The following SDK1 variants were observed in gnomAD, a reference collection of about 807,000 sequenced individuals.
SDK1 encodes protein sidekick-1.
SDK1 carries 157 observed loss-of-function variants against 245.5 expected under a neutral mutation model. The ratio of observed to expected loss-of-function variants is 0.64; its 90% CI spans 0.56 to 0.73. The LOEUF is 0.73. SDK1 is among the 30% of genes least tolerant of loss of function. SDK1 has a pLI of 0.00. For missense variants in SDK1, 3,583 were observed against 3,002.3 expected, an observed-to-expected ratio of 1.19 and a Z score of -4.52; for synonymous variants, 1,647 against 1,278.5, an observed-to-expected ratio of 1.29 and a Z score of -6.15.
intron 23 of SDK1, among the ~76,000 whole-genome samples, chr7:4,111,995 G>A (rs1391590005): frequency 6.6e-6 from 1 of 152,216 alleles, no homozygotes; most frequent in Non-Finnish European, 1.5e-5. Flanking sequence ...ATCACAGAGT[G>A]TGGTGTGAGC....
intron 1 of SDK1, among the ~76,000 whole-genome samples, chr7:3,342,537 G>A (rs1042947069): frequency 2.0e-5 from 3 of 152,040 alleles, no homozygotes; most frequent in African/African-American, 4.8e-5. Context: ...GCGGTGAGCC[G>A]AGATCGCATC....
chr7:4,146,546 G>A (rs1779997911), intron 29 of SDK1, among the ~76,000 whole-genome samples: 1 of 152,256 alleles, frequency 6.6e-6, no homozygotes, highest in Admixed American at 6.5e-5. Context: ...ATGTGAGACG[G>A]TCTCAGGTTT....
chr7:3,886,409 G>A lies in SDK1; in HGVS notation c.848-64514G>A, dbSNP rs149606994. On this transcript the variant is annotated intron_variant, in intron 5 of 44. Coordinates refer to ENST00000404826, the MANE Select transcript of SDK1 (RefSeq NM_152744.4). The stretch of plus-strand genomic sequence containing the variant: ...AGCAGCACGGCTGCACCAGACCATC[G>A]GGGTATTTTTACTTTACAGATAATG... Among the ~76,000 whole-genome samples the A allele has an allele frequency of 1.2e-3, 180 of 151,776 alleles. 1 individual carries two copies. Among genetic ancestry groups the A allele is most frequent in the African/African-American group, 4.2e-3 (172 of 41,094 alleles).
At chr7:4,036,685 G>C (rs1305016724) in intron 17 of SDK1, among the ~76,000 whole-genome samples, 1 of 152,096 alleles carries the variant, frequency 6.6e-6, no homozygotes. Context: ...GATTGTGAGG[G>C]CTGGTTGGGA....
At chr7:4,081,266 CAG>C (rs1781040224) in intron 22 of SDK1, among the ~76,000 whole-genome samples, 1 of 152,136 alleles carries the variant, frequency 6.6e-6, no homozygotes, top group African/African-American at 2.4e-5. Context: ...TTCCGTTGCC[CAG>C]AACTTGGGCA....
intron 1 of SDK1, among the ~76,000 whole-genome samples, chr7:3,595,952 ATTTTT>A (rs199756528): frequency 6.0e-5 from 6 of 100,412 alleles, no homozygotes; most frequent in Non-Finnish European, 8.9e-5. Flanking sequence ...TCTAATGGGT[ATTTTT>A]TTTTTTTTTT....
chr7:3,548,597 G>A (rs1779304658), intron 1 of SDK1, among the ~76,000 whole-genome samples: 3 of 152,132 alleles, frequency 2.0e-5, no homozygotes, highest in Non-Finnish European at 2.9e-5. Flanking sequence ...CACATTCCTG[G>A]AAATGAAATA....
chr7:3,983,610 A>G (rs185891548), intron 13 of SDK1, among the ~76,000 whole-genome samples: 261 of 152,328 alleles, frequency 1.7e-3, no homozygotes, highest in Non-Finnish European at 2.9e-3. Context: ...GTGACTTGCA[A>G]ATTGCAATAT....
chr7:3,659,224 C>A (rs190996570), intron 4 of SDK1, among the ~76,000 whole-genome samples: 19 of 152,168 alleles, frequency 1.2e-4, no homozygotes, highest in Non-Finnish European at 1.8e-4. Flanking sequence ...AAGGGACATT[C>A]CTTCTTTCCT....
chr7:4,229,904 G>A (rs958326224), intron 40 of SDK1, among the ~76,000 whole-genome samples: 1 of 151,950 alleles, frequency 6.6e-6, no homozygotes, highest in Non-Finnish European at 1.5e-5. Context: ...TTGAAAGCCT[G>A]CTGTACTAGG....
chr7:4,076,656 C>T (rs1286985316), intron 20 of SDK1, among the ~76,000 whole-genome samples: 2 of 152,206 alleles, frequency 1.3e-5, no homozygotes, highest in African/African-American at 4.8e-5. Flanking sequence ...TTGAGCACAG[C>T]AGGCTGGCAG....
At chr7:3,512,013 T>C (rs1169090681) in intron 1 of SDK1, among the ~76,000 whole-genome samples, 2 of 151,732 alleles carry the variant, frequency 1.3e-5, no homozygotes, top group Non-Finnish European at 2.9e-5. Flanking sequence ...ACTCTTGATA[T>C]TGTACATTCT....
chr7:3,380,289 C>A (rs1431258878), intron 1 of SDK1, among the ~76,000 whole-genome samples: 14 of 152,190 alleles, frequency 9.2e-5, no homozygotes, highest in Non-Finnish European at 2.9e-5. Context: ...AGCTGACTTA[C>A]ACAAAGGAGA....
At chr7:4,143,475 C>A (rs532035055) in intron 28 of SDK1, among the ~76,000 whole-genome samples, 3 of 152,222 alleles carry the variant, frequency 2.0e-5, no homozygotes, top group Non-Finnish European at 4.4e-5. Context: ...CGTGAGGTGT[C>A]CTGCCATATC....
intron 1 of SDK1, among the ~76,000 whole-genome samples, chr7:3,322,159 A>G (rs1583681489): frequency 6.6e-6 from 1 of 151,972 alleles, no homozygotes. Flanking sequence ...GAAGTCCCAT[A>G]CGTATTAAGC....
chr7:3,466,349 T>G (rs1781001410), intron 1 of SDK1, among the ~76,000 whole-genome samples: 1 of 151,012 alleles, frequency 6.6e-6, no homozygotes, highest in African/African-American at 2.4e-5. Context: ...CTCAAAACAT[T>G]AATAGGAAGC....
chr7:3,445,661 A>T (rs1007373406), intron 1 of SDK1, among the ~76,000 whole-genome samples: 1 of 152,138 alleles, frequency 6.6e-6, no homozygotes, highest in African/African-American at 2.4e-5. Flanking sequence ...GTGTGGTTCT[A>T]TGTCATTTTA....
intron 25 of SDK1, among the ~76,000 whole-genome samples, 193 bp downstream of exon 25, chr7:4,114,467 A>C (rs1783567300): frequency 6.6e-6 from 1 of 152,178 alleles, no homozygotes; most frequent in Non-Finnish European, 1.5e-5. Context: ...GCCCCAAGCC[A>C]TTCATTGGAA....
intron 5 of SDK1, among the ~76,000 whole-genome samples, chr7:3,912,622 G>C (rs189796451): frequency 4.3e-4 from 65 of 152,324 alleles, no homozygotes; most frequent in African/African-American, 1.3e-3. Flanking sequence ...CTCCCAGGCA[G>C]GCATGGCTGG....
Sources: allele counts gnomAD v4.1 joint callset (sites outside exome capture counted in the v4.1 genomes callset), GRCh38; gene constraint gnomAD v4.1.1; transcripts MANE v1.5; gene names NCBI Gene and HGNC (gene_info 2026-07-23, HGNC 2026-07-21).